RAB38: variants seen among roughly 807,000 people sequenced by gnomAD.
The protein encoded by RAB38 is ras-related protein Rab-38.
In RAB38, 15 loss-of-function variants were observed where a neutral mutation model predicts 18.4. The observed-to-expected ratio is 0.82, with a 90% CI of 0.55 to 1.26. RAB38 has a LOEUF of 1.26. Among genes scored for constraint, RAB38 ranks in the 50% most tolerant of loss-of-function variants. The probability of loss-of-function intolerance (pLI) is 0.00; values close to 1 mark genes in which losing one functional copy is unlikely to be tolerated. For missense variants in RAB38, 294 were observed against 267.4 expected (o/e 1.10, Z -0.69); for synonymous variants, 101 against 104.4 (o/e 0.97, Z 0.20).
At chr11:87,961,782 T>C in the RAB38 span, among the ~76,000 whole-genome samples, 8 of 152,184 alleles carry the variant, frequency 5.3e-5, no homozygotes, top group African/African-American at 9.7e-5. Flanking sequence ...CTCTTGGGAA[T>C]TGTCTTTAGC....
chr11:87,971,859 A>G, the RAB38 span, among the ~76,000 whole-genome samples: 1 of 152,074 alleles, frequency 6.6e-6, no homozygotes, highest in African/African-American at 2.4e-5. Context: ...TGAATGTAGT[A>G]GACAGAATGC....
At chr11:88,041,752 G>A in the RAB38 span, among the ~76,000 whole-genome samples, 1 of 152,038 alleles carries the variant, frequency 6.6e-6, no homozygotes, top group Non-Finnish European at 1.5e-5. Flanking sequence ...CTAGATAAGG[G>A]GAAAATATAA....
the RAB38 span, among the ~76,000 whole-genome samples, chr11:87,868,149 C>T: frequency 1.3e-5 from 2 of 151,590 alleles, no homozygotes; most frequent in South Asian, 4.1e-4. Context: ...GAGTTGAAGC[C>T]TAATGGGAGG....
the RAB38 span, among the ~76,000 whole-genome samples, chr11:87,886,173 C>G: frequency 1.3e-5 from 2 of 151,968 alleles, no homozygotes; most frequent in Admixed American, 1.3e-4. Flanking sequence ...CCTCCACACT[C>G]GCGGTGGCCC....
the RAB38 span, among the ~76,000 whole-genome samples, chr11:87,915,731 T>G: frequency 6.6e-6 from 1 of 152,138 alleles, no homozygotes; most frequent in South Asian, 2.1e-4. Flanking sequence ...TAAACTTGCT[T>G]TCACTTTACT....
the RAB38 span, among the ~76,000 whole-genome samples, chr11:87,927,503 C>T: frequency 1.3e-5 from 2 of 151,892 alleles, no homozygotes; most frequent in Admixed American, 6.6e-5. Context: ...TCCACATACT[C>T]GTCTCTTAAC....
At chr11:88,042,282 T>C in the RAB38 span, among the ~76,000 whole-genome samples, 1 of 152,162 alleles carries the variant, frequency 6.6e-6, no homozygotes, top group Non-Finnish European at 1.5e-5. Flanking sequence ...ATTTGCTAAA[T>C]CGGGCAGCCG....
the RAB38 span, among the ~76,000 whole-genome samples, chr11:88,071,832 C>T: frequency 1.3e-5 from 2 of 152,136 alleles, no homozygotes; most frequent in Non-Finnish European, 2.9e-5. Context: ...ATACTCCAGG[C>T]CCCATACTAA....
the RAB38 span, among the ~76,000 whole-genome samples, chr11:87,827,167 A>G: frequency 3.3e-5 from 5 of 152,226 alleles, no homozygotes; most frequent in African/African-American, 9.6e-5. Context: ...TTAACTGGTT[A>G]GTAAGTAATT....
At chr11:87,974,094 G>C in the RAB38 span, among the ~76,000 whole-genome samples, 1 of 151,828 alleles carries the variant, frequency 6.6e-6, no homozygotes, top group African/African-American at 2.4e-5. Context: ...AAAAATTTGT[G>C]AGATAGTCAA....
At chr11:88,076,956 C>CAAAAA in the RAB38 span, among the ~76,000 whole-genome samples, 1 of 42,912 alleles carries the variant, frequency 2.3e-5, no homozygotes, top group Non-Finnish European at 4.0e-5. Context: ...GAGACTCCAT[C>CAAAAA]AAAAAAAAAA....
chr11:87,893,810 A>G, the RAB38 span, among the ~76,000 whole-genome samples: 1 of 151,800 alleles, frequency 6.6e-6, no homozygotes, highest in East Asian at 2.0e-4. Context: ...TTATTTGCTT[A>G]GAAAAACTTT....
intron 2 of RAB38, among the ~76,000 whole-genome samples, chr11:88,134,985 G>T (rs1274918110): frequency 1.3e-5 from 2 of 152,168 alleles, no homozygotes; most frequent in East Asian, 3.8e-4. Context: ...CAAAAATACA[G>T]CTGTCAATTC....
At chr11:87,877,852 C>T in the RAB38 span, among the ~76,000 whole-genome samples, 5 of 151,484 alleles carry the variant, frequency 3.3e-5, no homozygotes, top group South Asian at 1.0e-3. Context: ...TCAATCCCTC[C>T]TTGTGTTACA....
At chr11:88,027,174 T>A in the RAB38 span, among the ~76,000 whole-genome samples, 1 of 152,200 alleles carries the variant, frequency 6.6e-6, no homozygotes, top group Non-Finnish European at 1.5e-5. Context: ...TTTTTTAAAT[T>A]GTGGTGCATA....
At chr11:87,957,414 G>A in the RAB38 span, among the ~76,000 whole-genome samples, 5 of 151,446 alleles carry the variant, frequency 3.3e-5, no homozygotes, top group East Asian at 7.7e-4. Flanking sequence ...AAACCCATAA[G>A]TTTATTTAAC....
the RAB38 span, among the ~76,000 whole-genome samples, chr11:87,972,084 C>T: frequency 6.6e-6 from 1 of 152,006 alleles, no homozygotes; most frequent in African/African-American, 2.4e-5. Context: ...AAAGACGATT[C>T]ACCTCTCTGC....
At chr11:87,937,035 C>T in the RAB38 span, among the ~76,000 whole-genome samples, 6 of 151,708 alleles carry the variant, frequency 4.0e-5, no homozygotes, top group Non-Finnish European at 1.5e-5. Flanking sequence ...GAATGGATAT[C>T]CTTGCCTTAT....
At chr11:88,073,174 C>T in the RAB38 span, among the ~76,000 whole-genome samples, 2 of 152,104 alleles carry the variant, frequency 1.3e-5, no homozygotes, top group African/African-American at 4.8e-5. Flanking sequence ...GTTGAAAGTG[C>T]CTGGAGAGAG....
Sources: gnomAD v4.1 joint callset for allele counts (sites outside exome capture counted in the v4.1 genomes callset) on GRCh38, gnomAD v4.1.1 for gene constraint, MANE v1.5 for transcripts, NCBI Gene and HGNC (gene_info 2026-07-23, HGNC 2026-07-21) for gene names.